DMD: variants seen among roughly 807,000 people sequenced by gnomAD.
The protein encoded by DMD is mutant dystrophin.
DMD carries 63 observed loss-of-function variants against 330.1 expected under a neutral mutation model. The observed-to-expected ratio is 0.19, with a 90% CI of 0.16 to 0.24. The LOEUF (loss-of-function observed/expected upper bound fraction) is 0.24. Among genes scored for constraint, DMD ranks in the 10% least tolerant of loss-of-function variants. DMD has a pLI of 1.00. For missense variants in DMD, 3,344 were observed against 2,684.1 expected, an observed-to-expected ratio of 1.25 and a Z score of -5.43; for synonymous variants, 1,223 against 959.8, an observed-to-expected ratio of 1.27 and a Z score of -5.07.
chrX:31,237,231 G>T (rs1006376342), intron 63 of DMD, among the ~76,000 whole-genome samples: 1 of 112,447 alleles, frequency 8.9e-6, no homozygotes, highest in African/African-American at 3.2e-5. Flanking sequence ...TGCAAGAAGA[G>T]AATCTGTTGA....
chrX:32,677,141 A>C (rs1006268036), intron 9 of DMD, among the ~76,000 whole-genome samples: 3 of 111,434 alleles, frequency 2.7e-5, no homozygotes, highest in African/African-American at 9.7e-5. Context: ...CTAGTGTAAA[A>C]TATTCTGAAT....
intron 67 of DMD, among the ~76,000 whole-genome samples, chrX:31,190,183 TAA>T (rs1287949159): frequency 8.9e-6 from 1 of 112,090 alleles, no homozygotes; most frequent in Non-Finnish European, 1.9e-5. Flanking sequence ...CCAAATATGT[TAA>T]ATTTATTTTG....
chrX:32,565,197 G>A (rs1467147497), intron 16 of DMD, among the ~76,000 whole-genome samples: 1 of 111,577 alleles, frequency 9.0e-6, no homozygotes, highest in Non-Finnish European at 1.9e-5. Flanking sequence ...GAAATCAGCA[G>A]TCTATGGCAG....
chrX:32,905,736 C>G, intron 2 of DMD, among the ~76,000 whole-genome samples: 1 of 111,791 alleles, frequency 8.9e-6, no homozygotes, highest in Non-Finnish European at 1.9e-5. Context: ...GATTCTCAAT[C>G]TTGGTGCTAC....
In DMD at chrX:32,632,732, C is replaced by CG. The variant is rs386824653; in HGVS notation, c.1331+11399dup. 3.9e-3 allele frequency among the ~76,000 whole-genome samples: 150 copies of CG among 38,224 alleles called. 6 individuals are homozygous for CG. The South Asian group carries it at 0.15, about 38-fold the overall frequency. 33.2% of individuals were successfully genotyped at this position (38,224 alleles called of 115,157 possible). ...GCTACAGTGGCCAGGACGCTGGGTG[C>CG]GGGGGGGAGGGGTTGGGGCGGGGGC... On this transcript the variant is annotated intron_variant, in intron 11 of 78. Transcript: ENST00000357033.
chrX:33,099,916 C>A (rs1188051493), intron 1 of DMD, among the ~76,000 whole-genome samples: 1 of 111,165 alleles, frequency 9.0e-6, no homozygotes, highest in Non-Finnish European at 1.9e-5. Flanking sequence ...ACAAAAAAAA[C>A]CCAAACAGAT....
intron 21 of DMD, among the ~76,000 whole-genome samples, chrX:32,474,031 G>A (rs1490736372): frequency 9.1e-6 from 1 of 110,308 alleles, no homozygotes; most frequent in Non-Finnish European, 1.9e-5. Context: ...TCTAATGCCT[G>A]TGTGTCCTCA....
chrX:31,218,818 C>T (rs1467402288), intron 64 of DMD, among the ~76,000 whole-genome samples: 4 of 111,529 alleles, frequency 3.6e-5, no homozygotes, highest in Non-Finnish European at 7.5e-5. Context: ...GGTTGAACCC[C>T]TTTATTTCTG....
chrX:33,113,408 T>C (rs968594902), intron 1 of DMD, among the ~76,000 whole-genome samples: 4 of 110,599 alleles, frequency 3.6e-5, no homozygotes, highest in Non-Finnish European at 5.6e-5. Flanking sequence ...AACAAAGTAA[T>C]TGGGGAAAAA....
At chrX:32,547,078 T>C (rs1275715988) in intron 16 of DMD, among the ~76,000 whole-genome samples, 1 of 111,393 alleles carries the variant, frequency 9.0e-6, no homozygotes, top group Non-Finnish European at 1.9e-5. Flanking sequence ...TGAATATTTT[T>C]TTAACCATGA....
At chrX:32,641,629 A>C in intron 11 of DMD, 1 of 157,563 alleles carries the variant, frequency 6.3e-6, no homozygotes, top group East Asian at 1.5e-4. Flanking sequence ...TGATAAGCTT[A>C]TCTGTATTTA....
At chrX:32,335,367 A>C (rs772842584) in intron 41 of DMD, among the ~76,000 whole-genome samples, 2 of 105,789 alleles carry the variant, frequency 1.9e-5, no homozygotes, top group African/African-American at 3.4e-5. Flanking sequence ...AGCCTGGCTA[A>C]TTTTATATAT....
At chrX:31,222,392 C>CAAAAAAAAAAAAAAAAAAAAAA (rs57227723) in intron 64 of DMD, among the ~76,000 whole-genome samples, 36 of 20,624 alleles carry the variant, frequency 1.7e-3, no homozygotes, top group Non-Finnish European at 2.1e-3. Context: ...GACTCCATCT[C>CAAAAAAAAAAAAAAAAAAAAAA]AAAAAAAAAA....
chrX:32,644,273 C>G lies in DMD; in HGVS notation c.1190G>C (p.Gly397Ala). 8.3e-7 allele frequency: 1 copy of G among 1,210,892 alleles called. No individual in the cohort carries two copies. Among genetic ancestry groups the G allele is most frequent in the African/African-American group, 1.7e-5 (1 of 57,580 alleles). Residue 397 changes from glycine to alanine, a missense_variant, in exon 11 of 79, where the codon GGT becomes GCT. Physicochemically the swap from Gly to Ala is moderately conservative, Grantham distance 60. Transcript: ENST00000357033. ...MDLTAHQGRV[G>A]NILQLGSKLI... is the part of the protein sequence containing the mutation. ...CTTACTTCCCAATTGTAGAATATTA[C>G]CAACCCGGCCCTGATGGGCTGTCAA...
Position 32,343,331 on chromosome X carries a change from A to T in DMD, c.5587-45T>A, listed in dbSNP as rs757636078. ...TATTAAAATATCAATATATATGTATAGTGCACTTCTGGCTGCAGTTATTTA... is the reference window on the plus strand; with the variant it reads ...TATTAAAATATCAATATATATGTATTGTGCACTTCTGGCTGCAGTTATTTA... On this transcript the variant is annotated intron_variant, in intron 39 of 78. Transcript: ENST00000357033. 3.7e-6 allele frequency: 4 copies of T among 1,083,256 alleles called. No individual in the cohort carries two copies. In the South Asian group the frequency reaches 7.9e-5, roughly 21 times the overall value. The allele number at this position is 1,083,256 out of a possible 1,213,427, so 89.3% of individuals were successfully genotyped here.
chrX:33,321,761 T>TA (rs1432982448), intron 1 of DMD, among the ~76,000 whole-genome samples: 1 of 111,424 alleles, frequency 9.0e-6, no homozygotes, highest in African/African-American at 3.3e-5. Flanking sequence ...TTCATCTACA[T>TA]AAAAAATCTG....
At chrX:33,043,352 G>A in intron 1 of DMD, among the ~76,000 whole-genome samples, 1 of 111,477 alleles carries the variant, frequency 9.0e-6, no homozygotes, top group East Asian at 2.8e-4. Flanking sequence ...CCTCACGAAG[G>A]TTTCACTGAA....
At chrX:32,734,532 C>T (rs1188023513) in intron 7 of DMD, among the ~76,000 whole-genome samples, 6 of 105,083 alleles carry the variant, frequency 5.7e-5, no homozygotes, top group East Asian at 2.9e-4. Context: ...ACTGGCAAAA[C>T]GAATCCAGCA....
intron 44 of DMD, among the ~76,000 whole-genome samples, chrX:32,175,294 C>A (rs2096902238): frequency 9.1e-6 from 1 of 109,727 alleles, no homozygotes; most frequent in Non-Finnish European, 1.9e-5. Flanking sequence ...GTAAAACGCA[C>A]CAATCAGCGC....
Sources: gnomAD v4.1 joint callset for allele counts (sites outside exome capture counted in the v4.1 genomes callset) on GRCh38, gnomAD v4.1.1 for gene constraint, MANE v1.5 for transcripts, NCBI Gene and HGNC (gene_info 2026-07-23, HGNC 2026-07-21) for gene names.